UBN2: variants seen among roughly 807,000 people sequenced by gnomAD.
The protein encoded by UBN2 is ubinuclein 2, also known as ubinuclein-2.
UBN2 carries 35 observed loss-of-function variants against 120.2 expected under a neutral mutation model. The ratio of observed to expected loss-of-function variants is 0.29; its 90% CI spans 0.22 to 0.39. The LOEUF is 0.39. Ranked by LOEUF, UBN2 falls within the 10% of genes least tolerant of loss-of-function variation. The pLI is 1.00. For synonymous variants in UBN2, 661 were observed against 648.7 expected, an observed-to-expected ratio of 1.02 and a Z score of -0.29; for missense variants, 1,693 against 1,663.2, an observed-to-expected ratio of 1.02 and a Z score of -0.31.
At chr7:139,281,948 A>T (rs1797623452) in intron 13 of UBN2, 57 bp from the exon 14 acceptor site, 6 of 1,544,702 alleles carry the variant, frequency 3.9e-6, no homozygotes, top group Non-Finnish European at 5.4e-6. Flanking sequence ...TAGAAAAAAT[A>T]CTAAGGAAGT....
chr7:139,276,336 A>G (rs1797441953), intron 12 of UBN2, 189 bp downstream of exon 12: 1 of 587,684 alleles, frequency 1.7e-6, no homozygotes. Flanking sequence ...CACCTACTAA[A>G]TCCACACTGT....
intron 2 of UBN2, among the ~76,000 whole-genome samples, chr7:139,251,285 T>C (rs896160144): frequency 4.6e-5 from 7 of 152,330 alleles, no homozygotes; most frequent in African/African-American, 1.7e-4. Flanking sequence ...TCCCCTGTTG[T>C]TGACATCTTG....
chr7:139,261,369 G>T lies in UBN2; in HGVS notation c.1023G>T (p.Glu341Asp), dbSNP rs756470088. ...FQKEKDALKK[E>D]SNPKVPVTLS... is the part of the protein sequence containing the mutation. ...AAGAGAAGGATGCATTAAAGAAGGA[G>T]TCTAACCCCAAAGTCCCAGTGACCT... is the stretch of plus-strand genomic sequence containing the variant. Residue 341 changes from glutamate to aspartate, a missense_variant, in exon 6 of 18, where the codon GAG (glutamate) becomes GAT (aspartate). Coordinates refer to ENST00000473989, the MANE Select transcript of UBN2 (RefSeq NM_173569.4). 26 of 1,614,206 alleles carry T rather than the reference G, an allele frequency of 1.6e-5. No individual in the cohort carries two copies. Among genetic ancestry groups the T allele is most frequent in the Non-Finnish European group, 2.1e-5 (25 of 1,180,044 alleles).
intron 11 of UBN2, among the ~76,000 whole-genome samples, chr7:139,274,419 T>C (rs1226042401): frequency 1.3e-5 from 2 of 152,196 alleles, no homozygotes; most frequent in African/African-American, 4.8e-5. Flanking sequence ...GAACCTAATA[T>C]GGGATTAGAG....
intron 15 of UBN2, among the ~76,000 whole-genome samples, chr7:139,290,932 G>A (rs1156657712): frequency 1.3e-5 from 2 of 152,138 alleles, no homozygotes; most frequent in Admixed American, 1.3e-4. Flanking sequence ...TACCCCACCA[G>A]AAGCAAAAGG....
At chr7:139,308,532 G>T (rs983628019), downstream of UBN2, among the ~76,000 whole-genome samples, 2 of 152,180 alleles carry the variant, frequency 1.3e-5, no homozygotes, top group Non-Finnish European at 2.9e-5. Context: ...GGAAGACTCA[G>T]TGCAGTGGAT....
In UBN2 at chr7:139,231,641, G is replaced by A. The variant is rs957811670; in HGVS notation, c.157G>A (p.Ala53Thr). The A allele has an allele frequency of 3.3e-6, 4 of 1,225,164 alleles. No individual in the cohort carries two copies. The highest frequency in any genetic ancestry group is 3.2e-5 in the African/African-American group (2 of 63,142). 75.9% of individuals were successfully genotyped at this position (1,225,164 alleles called of 1,614,324 possible). Residue 53 changes from alanine to threonine, a missense_variant, in exon 1 of 18, where the codon GCC becomes ACC. Ala to Thr is a moderately conservative substitution (Grantham distance 58). Coordinates refer to ENST00000473989, the MANE Select transcript of UBN2 (RefSeq NM_173569.4). ...YREPARAEPP[A>T]PREPAPRSDA... ...CGAGCCGGCCCGGGCGGAGCCGCCG[G>A]CCCCGCGGGAGCCTGCCCCCCGCTC... is the stretch of plus-strand genomic sequence containing the variant.
intron 1 of UBN2, among the ~76,000 whole-genome samples, chr7:139,236,632 T>C (rs1796169357): frequency 6.6e-6 from 1 of 152,224 alleles, no homozygotes. Flanking sequence ...GTGATCATTT[T>C]GCAGGTGAAG....
intron 11 of UBN2, 110 bp downstream of exon 11, chr7:139,274,184 T>C (rs1004603116): frequency 7.8e-5 from 86 of 1,104,928 alleles, no homozygotes; most frequent in Non-Finnish European, 1.0e-4. Context: ...GAACCTAATA[T>C]ATTCAGCATG....
At chr7:139,240,791 A>G (rs189346385) in intron 2 of UBN2, among the ~76,000 whole-genome samples, 47 of 152,328 alleles carry the variant, frequency 3.1e-4, no homozygotes, top group African/African-American at 1.0e-3. Flanking sequence ...GTGACAGTTC[A>G]TATTCAGCAT....
At chr7:139,312,047 C>T (rs570582958), downstream of UBN2, among the ~76,000 whole-genome samples, 12 of 152,266 alleles carry the variant, frequency 7.9e-5, no homozygotes, top group African/African-American at 2.9e-4. Flanking sequence ...TAATTTCTTA[C>T]TTTGTACTCA....
At chr7:139,284,622 T>C (rs1563224311) in intron 15 of UBN2, 48 bp downstream of exon 15, 4 of 1,499,922 alleles carry the variant, frequency 2.7e-6, no homozygotes, top group Admixed American at 2.0e-5. Flanking sequence ...GATTGTATAA[T>C]GTCGTCTTTC....
chr7:139,318,833 G>A, the UBN2 span, among the ~76,000 whole-genome samples: 1 of 152,224 alleles, frequency 6.6e-6, no homozygotes, highest in African/African-American at 2.4e-5. Context: ...AGTTAGGATG[G>A]ATTTCAGCCA....
chr7:139,282,875 T>C (rs1797656753), intron 14 of UBN2, 149 bp from the exon 15 acceptor site: 3 of 727,664 alleles, frequency 4.1e-6, no homozygotes, highest in Admixed American at 6.5e-5. Context: ...CTCTGTCATC[T>C]CAAAAATTAT....
intron 6 of UBN2, 106 bp from the exon 7 acceptor site, chr7:139,266,225 TCA>T: frequency 1.9e-6 from 1 of 535,624 alleles, no homozygotes; most frequent in Non-Finnish European, 3.1e-6. Flanking sequence ...AGGCCCTATC[TCA>T]AAAAAAAAAA....
chr7:139,271,624 A>ATAATATTTCT (rs1364292422), intron 8 of UBN2, among the ~76,000 whole-genome samples: 1 of 152,174 alleles, frequency 6.6e-6, no homozygotes, highest in Non-Finnish European at 1.5e-5. Context: ...GAAAAGTCTT[A>ATAATATTTCT]TAATATTTCT....
chr7:139,280,424 T>G (rs1036303815), intron 13 of UBN2, among the ~76,000 whole-genome samples: 1 of 152,070 alleles, frequency 6.6e-6, no homozygotes, highest in African/African-American at 2.4e-5. Flanking sequence ...CTATAATCAT[T>G]TGAAATTAAA....
At chr7:139,326,171 G>A in the UBN2 span, among the ~76,000 whole-genome samples, 15 of 152,152 alleles carry the variant, frequency 9.9e-5, no homozygotes, top group Admixed American at 3.3e-4. Context: ...CAGGAGAATC[G>A]CTTGAACCCA....
At chr7:139,297,051 G>A (rs1221000040) in intron 17 of UBN2, among the ~76,000 whole-genome samples, 9 of 151,908 alleles carry the variant, frequency 5.9e-5, no homozygotes, top group African/African-American at 1.5e-4. Flanking sequence ...AAAATTAGCC[G>A]GGCATGGTGG....
Sources: allele counts gnomAD v4.1 joint callset (sites outside exome capture counted in the v4.1 genomes callset), GRCh38; gene constraint gnomAD v4.1.1; transcripts MANE v1.5; gene names NCBI Gene and HGNC (gene_info 2026-07-23, HGNC 2026-07-21).